HID1: variants seen among roughly 807,000 people sequenced by gnomAD.
HID1 encodes the protein protein HID1.
HID1 carries 42 observed loss-of-function variants against 89.7 expected under a neutral mutation model. That is an observed-to-expected ratio of 0.47 (90% CI 0.37 to 0.61). The LOEUF (loss-of-function observed/expected upper bound fraction) is 0.61, where lower values mean the gene tolerates loss of function less well. Ranked by LOEUF, HID1 falls within the 20% of genes least tolerant of loss-of-function variation. HID1 has a pLI of 0.00. For synonymous variants in HID1, 442 were observed against 433.8 expected, an observed-to-expected ratio of 1.02 and a Z score of -0.24; for missense variants, 854 against 1,039.3, an observed-to-expected ratio of 0.82 and a Z score of 2.45.
In HID1 at chr17:74,958,407, G is replaced by A. The variant is rs759642118; in HGVS notation, c.1312C>T (p.Arg438Trp). ...CGGATTGAGTAGGGTTTGTTCAGCC[G>A]CACCCCGAAGTTCCGCTCCCCGCTC... ...LLSGERNFGV[R>W]LNKPYSIRVP... is the part of the protein sequence containing the mutation. The change falls in exon 11 of 19, where the codon CGG becomes TGG. Residue 438 changes from arginine (R) to tryptophan (W), a missense_variant. Physicochemically the swap from Arg to Trp is moderately radical, Grantham distance 101. Transcript: ENST00000425042. This position sits in a 1 kb window ranked among gnomAD's most constrained non-coding sequence, Gnocchi z 5.2. The A allele has an allele frequency of 1.1e-5, 17 of 1,607,822 alleles. No homozygotes were observed. Among genetic ancestry groups the A allele is most frequent in the South Asian group, 5.6e-5 (5 of 90,000 alleles).
At chr17:74,968,276 C>T (rs900011054) in intron 1 of HID1, among the ~76,000 whole-genome samples, 2 of 144,264 alleles carry the variant, frequency 1.4e-5, no homozygotes, top group African/African-American at 5.1e-5. Flanking sequence ...CCCCATCAGT[C>T]CCTGACCTTG....
At chr17:74,963,673 C>A in intron 3 of HID1, 67 bp downstream of exon 3, 3 of 1,447,980 alleles carry the variant, frequency 2.1e-6, no homozygotes, top group South Asian at 1.3e-5. Context: ...GCATGGCCGG[C>A]CCTAAAGGGC....
intron 12 of HID1, 159 bp downstream of exon 12, chr17:74,957,982 G>T (rs1030072005): frequency 1.6e-6 from 1 of 614,146 alleles, no homozygotes; most frequent in Non-Finnish European, 2.9e-6. Flanking sequence ...TTCAATTGTT[G>T]TCACCCTTTT....
Position 74,972,270 on chromosome 17 carries a change from C to T in HID1, c.66+321G>A, listed in dbSNP as rs373765122. Among the ~76,000 whole-genome samples, 8 of 106,288 alleles carry T rather than the reference C, an allele frequency of 7.5e-5. No homozygotes were observed. Among genetic ancestry groups the T allele is most frequent in the African/African-American group, 2.5e-4 (7 of 28,080 alleles). 69.7% of individuals were successfully genotyped at this position (106,288 alleles called of 152,430 possible). ...GCGGCGGGAGGCTGGAGATGCGAAGCTGGGGACGCCGCGGGGCGGGACAGG... is the reference window on the plus strand; with the variant it reads ...GCGGCGGGAGGCTGGAGATGCGAAGTTGGGGACGCCGCGGGGCGGGACAGG... On this transcript the variant is annotated intron_variant, in intron 1 of 18. Coordinates refer to ENST00000425042, the MANE Select transcript of HID1 (RefSeq NM_030630.3). This position sits in a 1 kb window ranked among gnomAD's most constrained non-coding sequence, Gnocchi z 6.4.
intron 6 of HID1, 171 bp downstream of exon 6, chr17:74,961,702 G>GACT (rs1220058266): frequency 1.3e-5 from 5 of 387,410 alleles, no homozygotes; most frequent in Non-Finnish European, 2.3e-5. Context: ...TCCTGTCGAG[G>GACT]ACTCCAAGGA....
At position 74,952,320 on chromosome 17, in the gene HID1, A is replaced by G. The variant is rs757922429; in HGVS notation, c.2093T>C (p.Met698Thr). Residue 698 changes from methionine to threonine, a missense_variant, in exon 17 of 19, where the codon ATG (methionine) becomes ACG (threonine). Coordinates refer to ENST00000425042, the MANE Select transcript of HID1 (RefSeq NM_030630.3). ...WKSKLPLQTI[M>T]RLLQVLVPQV... is the part of the protein sequence containing the mutation. ...CGGAACCAGCACCTGCAGCAGCCTCATGATGGTCTGCAGCGGCAGCTTCGA... is the reference window on the plus strand; with the variant it reads ...CGGAACCAGCACCTGCAGCAGCCTCGTGATGGTCTGCAGCGGCAGCTTCGA... The G allele has an allele frequency of 5.6e-6, 9 of 1,613,768 alleles. No homozygotes were observed. The East Asian group carries it at 1.6e-4, about 28-fold the overall frequency.
rs751298752 is a variant in HID1 at position 74,952,324 on chromosome 17, T to C, written c.2089A>G (p.Ile697Val). The C allele has an allele frequency of 4.3e-6, 7 of 1,613,894 alleles. No homozygotes were observed. Among genetic ancestry groups the C allele is most frequent in the South Asian group, 1.1e-5 (1 of 91,068 alleles). ...ACCAGCACCTGCAGCAGCCTCATGA[T>C]GGTCTGCAGCGGCAGCTTCGACTTC... is the stretch of plus-strand genomic sequence containing the variant. Reference protein sequence around the residue: ...SWKSKLPLQTIMRLLQVLVPQ... With the variant: ...SWKSKLPLQTVMRLLQVLVPQ... The change falls in exon 17 of 19, where the codon ATC becomes GTC. Residue 697 changes from isoleucine (I) to valine (V), a missense_variant. By Grantham distance (29) the Ile-to-Val change is conservative. Transcript: ENST00000425042.
intron 1 of HID1, among the ~76,000 whole-genome samples, chr17:74,970,042 G>A (rs546338623): frequency 4.1e-5 from 6 of 145,096 alleles, no homozygotes; most frequent in South Asian, 2.2e-4. Context: ...TCAGCCTCCC[G>A]AGTAGCTGGG....
In HID1 at chr17:74,959,540, C is replaced by T. The variant is rs2039447556; in HGVS notation, c.1008+341G>A. 6.6e-6 allele frequency among the ~76,000 whole-genome samples: 1 copy of T among 152,184 alleles called. No homozygotes were observed. Among genetic ancestry groups the T allele is most frequent in the South Asian group, 2.1e-4 (1 of 4,834 alleles). On this transcript the variant is annotated intron_variant, in intron 8 of 18. Coordinates refer to ENST00000425042, the MANE Select transcript of HID1 (RefSeq NM_030630.3). The surrounding 1 kb of genome is among the most constrained non-coding windows in gnomAD (Gnocchi z 4.6). ...TGTGTTTTAGCTGCAGAAGTTAGAA[C>T]TCTGGGAGTTCAAGCACCTTCCCAC...
At position 74,962,062 on chromosome 17, in the gene HID1, G is replaced by T; in HGVS notation, c.612-73C>A. 8.0e-7 allele frequency: 1 copy of T among 1,251,404 alleles called. No homozygotes were observed. Among genetic ancestry groups the T allele is most frequent in the Non-Finnish European group, 1.1e-6 (1 of 911,696 alleles). The allele number at this position is 1,251,404 out of a possible 1,614,324, so 77.5% of individuals were successfully genotyped here. ...GGAGGTTCTGCCCACCCAGCCCAGC[G>T]CCCCAGCCCAGGTCCATGGAAGGAA... On this transcript the variant is annotated intron_variant, in intron 5 of 18. Transcript: ENST00000425042. The surrounding 1 kb of genome is among the most constrained non-coding windows in gnomAD (Gnocchi z 4.3).
rs2039504081 is a variant in HID1, at chr17:74,962,873, T to G, written c.504+92A>C. ...TCTCCTGGAGCCCCCCGGCCCCCAG[T>G]GCAATCCGCCCAAGGGAACTTCAAC... On this transcript the variant is annotated intron_variant, in intron 4 of 18. Coordinates refer to ENST00000425042, the MANE Select transcript of HID1 (RefSeq NM_030630.3). This position sits in a 1 kb window ranked among gnomAD's most constrained non-coding sequence, Gnocchi z 4.3. 11 of 894,170 alleles carry G rather than the reference T, an allele frequency of 1.2e-5. No homozygotes were observed. The South Asian group carries it at 1.7e-4, about 14-fold the overall frequency. 55.4% of individuals were successfully genotyped at this position (894,170 alleles called of 1,614,324 possible).
Position 74,962,972 on chromosome 17 carries a change from C to T in HID1, c.497G>A (p.Ser166Asn). Reference protein sequence around the residue: ...PDFTVQSHRRSTVDSAEDVHS... With the variant: ...PDFTVQSHRRNTVDSAEDVHS... ...GGGCTGGGGGACACTCACCACAGTG[C>T]TCCTCCGGTGGCTCTGAACCGTGAA... Residue 166 changes from serine to asparagine, a missense_variant, in exon 4 of 19, where the codon AGC becomes AAC. Physicochemically the swap from Ser to Asn is conservative, Grantham distance 46. Transcript: ENST00000425042. This position sits in a 1 kb window ranked among gnomAD's most constrained non-coding sequence, Gnocchi z 4.3. 1 of 1,610,868 alleles carries T rather than the reference C, an allele frequency of 6.2e-7. No homozygotes were observed. The highest frequency in any genetic ancestry group is 8.5e-7 in the Non-Finnish European group (1 of 1,177,702).
rs1477606745 is a variant in HID1, at chr17:74,972,321, G to C, written c.66+270C>G. Among the ~76,000 whole-genome samples, 1 of 152,122 alleles carries C rather than the reference G, an allele frequency of 6.6e-6. No individual in the cohort carries two copies. Among genetic ancestry groups the C allele is most frequent in the African/African-American group, 2.4e-5 (1 of 41,414 alleles). On this transcript the variant is annotated intron_variant, in intron 1 of 18. Coordinates refer to ENST00000425042, the MANE Select transcript of HID1 (RefSeq NM_030630.3). The surrounding 1 kb of genome is among the most constrained non-coding windows in gnomAD (Gnocchi z 6.4). ...GGGCGGACAGCTGTGTCGCCGGCTCGGGGAGTAGGCACACGTCAGCCTAAG... is the reference window on the plus strand; with the variant it reads ...GGGCGGACAGCTGTGTCGCCGGCTCCGGGAGTAGGCACACGTCAGCCTAAG...
At position 74,959,794 on chromosome 17, in the gene HID1, C is replaced by T; in HGVS notation, c.1008+87G>A. ...CCCCAGCCCACAGAGAGCATGGTTC[C>T]TTCATGGAGGGGTCAGGATCCCCCA... On this transcript the variant is annotated intron_variant, in intron 8 of 18. Coordinates refer to ENST00000425042, the MANE Select transcript of HID1 (RefSeq NM_030630.3). The surrounding 1 kb of genome is among the most constrained non-coding windows in gnomAD (Gnocchi z 4.6). 1 of 1,403,732 alleles carries T rather than the reference C, an allele frequency of 7.1e-7. No homozygotes were observed. The highest frequency in any genetic ancestry group is 2.3e-5 in the East Asian group (1 of 43,596). 87.0% of individuals were successfully genotyped at this position (1,403,732 alleles called of 1,614,324 possible). A position where few individuals can be genotyped will look rare whatever the true frequency, so the allele number is the denominator to read the frequency against.
In HID1 at chr17:74,972,528, C is replaced by T. The variant is rs1483622350; in HGVS notation, c.66+63G>A. The T allele has an allele frequency of 2.1e-6, 3 of 1,460,696 alleles. No homozygotes were observed. Among genetic ancestry groups the T allele is most frequent in the Non-Finnish European group, 2.8e-6 (3 of 1,076,094 alleles). 90.5% of individuals were successfully genotyped at this position (1,460,696 alleles called of 1,614,324 possible). A position where few individuals can be genotyped will look rare whatever the true frequency, so the allele number is the denominator to read the frequency against. ...TCCCGACGAGCCAAGTTCGCGTACC[C>T]CCGGCCCTGCCCAGCCCCCAGCCCG... On this transcript the variant is annotated intron_variant, in intron 1 of 18. Transcript: ENST00000425042. This position sits in a 1 kb window ranked among gnomAD's most constrained non-coding sequence, Gnocchi z 6.4.
chr17:74,952,406 G>A lies in HID1; in HGVS notation c.2053-46C>T, dbSNP rs1207134749. The A allele has an allele frequency of 3.4e-6, 5 of 1,468,860 alleles. No individual in the cohort carries two copies. In the Admixed American group the frequency reaches 5.1e-5, roughly 15 times the overall value. The allele number at this position is 1,468,860 out of a possible 1,614,324, so 91.0% of individuals were successfully genotyped here. On this transcript the variant is annotated intron_variant, in intron 16 of 18. Transcript: ENST00000425042. The stretch of plus-strand genomic sequence containing the variant: ...TGGGGCTGAGAAAGCAGCCCCCGGA[G>A]GCTGCGGGGCAAGCCTGACCCTGAC...
chr17:74,953,707 C>G lies in HID1; in HGVS notation c.1865-56G>C. On this transcript the variant is annotated intron_variant, in intron 14 of 18. Coordinates refer to ENST00000425042, the MANE Select transcript of HID1 (RefSeq NM_030630.3). ...CCCTGCCACAGTGACCCTTCTAGCC[C>G]TTCCTCCACCCACTTTTTTATTTTT... is the stretch of plus-strand genomic sequence containing the variant. 3 of 1,339,082 alleles carry G rather than the reference C, an allele frequency of 2.2e-6. No individual in the cohort carries two copies. The South Asian group carries it at 3.5e-5, about 16-fold the overall frequency. The allele number at this position is 1,339,082 out of a possible 1,614,324, so 83.0% of individuals were successfully genotyped here. A position where few individuals can be genotyped will look rare whatever the true frequency, so the allele number is the denominator to read the frequency against.
chr17:74,959,007 G>A lies in HID1; in HGVS notation c.1053C>T (p.Asn351=), dbSNP rs149263716. The A allele has an allele frequency of 8.1e-6, 13 of 1,597,318 alleles. No individual in the cohort carries two copies. Among genetic ancestry groups the A allele is most frequent in the Non-Finnish European group, 1.1e-5 (13 of 1,174,762 alleles). Reference sequence around the variant, plus strand: ...TAGGCAGGTAGGTCTGGAGCAGGGGGTTGGACAGCAGCCGGGCTATACCCT... The same window carrying A: ...TAGGCAGGTAGGTCTGGAGCAGGGGATTGGACAGCAGCCGGGCTATACCCT... The part of the protein sequence containing the change: ...ILKGIARLLS[N]PLLQTYLPNS... Residue 351 remains asparagine (N), a synonymous_variant, in exon 9 of 19, where the codon AAC becomes AAT. Coordinates refer to ENST00000425042, the MANE Select transcript of HID1 (RefSeq NM_030630.3). The surrounding 1 kb of genome is among the most constrained non-coding windows in gnomAD (Gnocchi z 4.6).
intron 6 of HID1, 22 bp from the exon 7 acceptor site, chr17:74,960,270 G>A (rs1266571245): frequency 6.3e-7 from 1 of 1,586,126 alleles, no homozygotes; most frequent in Non-Finnish European, 8.6e-7. Context: ...GAGGGACAAG[G>A]CTGCAGAGGC....
Sources: allele counts gnomAD v4.1 joint callset (sites outside exome capture counted in the v4.1 genomes callset), GRCh38; gene constraint gnomAD v4.1.1; non-coding constraint Gnocchi (gnomAD v3.1); transcripts MANE v1.5; gene names NCBI Gene and HGNC (gene_info 2026-07-23, HGNC 2026-07-21).